The following CNTNAP2 variants were observed in gnomAD, a reference collection of about 807,000 sequenced individuals.
CNTNAP2 encodes contactin associated protein 2, also known as contactin-associated protein-like 2.
Under a neutral mutation model 155.2 loss-of-function variants are expected in CNTNAP2, and 98 were observed. The observed-to-expected ratio is 0.63, with a 90% confidence interval of 0.54 to 0.75. The LOEUF (loss-of-function observed/expected upper bound fraction) is 0.75. CNTNAP2 is among the 30% of genes least tolerant of loss of function. The probability of loss-of-function intolerance (pLI) is 0.00; values close to 1 mark genes in which losing one functional copy is unlikely to be tolerated. For missense variants in CNTNAP2, 1,727 were observed against 1,688.1 expected, an observed-to-expected ratio of 1.02 and a Z score of -0.40; for synonymous variants, 651 against 631.2, an observed-to-expected ratio of 1.03 and a Z score of -0.47.
chr7:147,421,468 T>A (rs1797289243), intron 10 of CNTNAP2, among the ~76,000 whole-genome samples: 1 of 151,908 alleles, frequency 6.6e-6, no homozygotes. Flanking sequence ...AATGTTAAAA[T>A]ACAAATACAA....
intron 10 of CNTNAP2, among the ~76,000 whole-genome samples, chr7:147,462,358 A>G (rs1266143684): frequency 2.0e-5 from 3 of 152,162 alleles, no homozygotes; most frequent in African/African-American, 7.2e-5. Flanking sequence ...TACCCTTTTC[A>G]TTTATAAACA....
At chr7:147,704,178 C>T (rs1796276613) in intron 13 of CNTNAP2, 1 of 152,128 alleles carries the variant, frequency 6.6e-6, no homozygotes, top group Non-Finnish European at 1.5e-5. Context: ...TTCGCTAATA[C>T]ATTTTCTTTG....
chr7:148,274,620 A>G (rs1437694107), intron 21 of CNTNAP2, among the ~76,000 whole-genome samples: 1 of 152,164 alleles, frequency 6.6e-6, no homozygotes, highest in African/African-American at 2.4e-5. Flanking sequence ...TGCTTTTGCC[A>G]TGTACCCTGC....
At chr7:146,293,076 C>G (rs543700449) in intron 1 of CNTNAP2, among the ~76,000 whole-genome samples, 10 of 152,122 alleles carry the variant, frequency 6.6e-5, no homozygotes, top group African/African-American at 2.2e-4. Context: ...ATATTGTATT[C>G]ACGAACTATA....
chr7:148,039,289 G>A (rs1802626511), intron 15 of CNTNAP2, among the ~76,000 whole-genome samples: 1 of 152,182 alleles, frequency 6.6e-6, no homozygotes, highest in African/African-American at 2.4e-5. Context: ...GAAGGAGAGT[G>A]TCAGCGCTCT....
At position 146,288,793 on chromosome 7, in the gene CNTNAP2, A is replaced by ATTTTTT. The variant is rs757136036; in HGVS notation, c.97+171844_97+171849dup. On this transcript the variant is annotated intron_variant, in intron 1 of 23. Transcript: ENST00000361727. ...GGCAAAGGGTAGAGTAAAATTAGTA[A>ATTTTTT]TTTTTTTTTTTTTTTTTTTTTTTTT... 1.2e-4 allele frequency among the ~76,000 whole-genome samples: 12 copies of ATTTTTT among 100,042 alleles called. 1 individual carries two copies. The highest frequency in any genetic ancestry group is 3.8e-4 in the African/African-American group (7 of 18,518). The allele number at this position is 100,042 out of a possible 152,430, so 65.6% of individuals were successfully genotyped here.
At position 147,127,438 on chromosome 7, in the gene CNTNAP2, C is replaced by T. The variant is rs956514639; in HGVS notation, c.940-1255C>T. On this transcript the variant is annotated intron_variant, in intron 6 of 23. Transcript: ENST00000361727. ...ATTTGTGTTTCCCCCCCTAAAAGTA[C>T]TTAAGCATTTAAGATGCCATAACAC... 2.4e-4 allele frequency among the ~76,000 whole-genome samples: 36 copies of T among 151,710 alleles called. 1 individual carries two copies. The highest frequency in any genetic ancestry group is 6.5e-4 in the African/African-American group (27 of 41,358).
chr7:147,677,479 T>C (rs1795887762), intron 13 of CNTNAP2, among the ~76,000 whole-genome samples: 1 of 151,996 alleles, frequency 6.6e-6, no homozygotes, highest in Non-Finnish European at 1.5e-5. Context: ...TTCTCTTTAC[T>C]CTGTTGATTG....
chr7:146,804,717 C>T (rs906665139), intron 2 of CNTNAP2, among the ~76,000 whole-genome samples: 10 of 152,206 alleles, frequency 6.6e-5, no homozygotes, highest in African/African-American at 2.4e-4. Flanking sequence ...TCTCACTACA[C>T]TTACTGCATA....
chr7:148,343,455 A>G (rs1413935498), intron 21 of CNTNAP2, among the ~76,000 whole-genome samples: 3 of 152,110 alleles, frequency 2.0e-5, no homozygotes, highest in Non-Finnish European at 4.4e-5. Flanking sequence ...TCATCTTTCC[A>G]TCCTTTCCCT....
chr7:147,590,116 T>A (rs150594872), intron 12 of CNTNAP2, among the ~76,000 whole-genome samples: 221 of 152,244 alleles, frequency 1.5e-3, no homozygotes, highest in African/African-American at 4.9e-3. Context: ...TTCCAACCAT[T>A]TAAAAGTGTA....
chr7:147,758,817 C>A (rs1014002067), intron 13 of CNTNAP2, among the ~76,000 whole-genome samples: 2 of 152,094 alleles, frequency 1.3e-5, no homozygotes, highest in Non-Finnish European at 2.9e-5. Context: ...TGTACTCCAG[C>A]CTGGGTAACA....
At chr7:147,338,018 T>C (rs1190506690) in intron 9 of CNTNAP2, among the ~76,000 whole-genome samples, 4 of 152,158 alleles carry the variant, frequency 2.6e-5, no homozygotes, top group African/African-American at 9.7e-5. Flanking sequence ...CTGGAAAAGA[T>C]GAATAGGCTA....
intron 13 of CNTNAP2, among the ~76,000 whole-genome samples, chr7:147,893,815 C>T (rs1057047511): frequency 5.3e-5 from 8 of 152,168 alleles, no homozygotes; most frequent in Non-Finnish European, 8.8e-5. Context: ...TGATTCTGTG[C>T]GGATTTTCCA....
At chr7:148,215,009 G>A (rs1795612286) in intron 18 of CNTNAP2, among the ~76,000 whole-genome samples, 1 of 152,112 alleles carries the variant, frequency 6.6e-6, no homozygotes, top group African/African-American at 2.4e-5. Flanking sequence ...AAAAGTTTTG[G>A]GGGTAAGAGG....
intron 1 of CNTNAP2, among the ~76,000 whole-genome samples, chr7:146,288,138 A>C (rs540226763): frequency 6.6e-6 from 1 of 151,824 alleles, no homozygotes; most frequent in Non-Finnish European, 1.5e-5. Flanking sequence ...TCTCTACTAA[A>C]AATTAAAAAA....
At chr7:147,203,813 T>A (rs1003683515) in intron 8 of CNTNAP2, among the ~76,000 whole-genome samples, 1 of 152,152 alleles carries the variant, frequency 6.6e-6, no homozygotes, top group African/African-American at 2.4e-5. Flanking sequence ...CAATGCTGTA[T>A]CAAGAGTTTC....
intron 1 of CNTNAP2, among the ~76,000 whole-genome samples, chr7:146,363,066 G>A (rs1412331102): frequency 8.3e-6 from 1 of 120,714 alleles, no homozygotes; most frequent in Admixed American, 8.3e-5. Context: ...ACCGCGCCTG[G>A]CCCACATAAC....
At chr7:147,336,467 T>TA (rs1247623796) in intron 9 of CNTNAP2, among the ~76,000 whole-genome samples, 1 of 152,170 alleles carries the variant, frequency 6.6e-6, no homozygotes, top group Non-Finnish European at 1.5e-5. Flanking sequence ...CATAAGACCT[T>TA]AAGACACTTG....
Sources: allele counts gnomAD v4.1 joint callset (sites outside exome capture counted in the v4.1 genomes callset), GRCh38; gene constraint gnomAD v4.1.1; transcripts MANE v1.5; gene names NCBI Gene and HGNC (gene_info 2026-07-23, HGNC 2026-07-21).